The following HR variants were observed in gnomAD, a reference collection of about 807,000 sequenced individuals.
HR encodes the protein lysine-specific demethylase hairless.
HR carries 83 observed loss-of-function variants against 128.6 expected under a neutral mutation model. That is an observed-to-expected ratio of 0.65 (90% CI 0.54 to 0.77). The LOEUF (loss-of-function observed/expected upper bound fraction) is 0.77. HR is among the 30% of genes least tolerant of loss of function. The probability of loss-of-function intolerance (pLI) is 0.00; values close to 1 mark genes in which losing one functional copy is unlikely to be tolerated. For missense variants in HR, 1,490 were observed against 1,574.6 expected (o/e 0.95, Z 0.91); for synonymous variants, 681 against 658.2 (o/e 1.03, Z -0.53).
In HR at chr8:22,116,956, C is replaced by G. The variant is rs954823889; in HGVS notation, c.3297G>C (p.Arg1099=). 6.5e-7 allele frequency: 1 copy of G among 1,539,378 alleles called. No homozygotes were observed. The highest frequency in any genetic ancestry group is 1.9e-5 in the Admixed American group (1 of 51,320). Reference sequence around the variant, plus strand: ...TCCAGCAGCTCACGCCCCACTCCTCCCGCAGGCGCCGCCGCAGCCCTGCAT... The same window carrying G: ...TCCAGCAGCTCACGCCCCACTCCTCGCGCAGGCGCCGCCGCAGCCCTGCAT... ...YLDAGLRRRL[R]EEWGVSCWTL... The change falls in exon 17 of 19, where the codon CGG becomes CGC. Residue 1099 remains arginine, a synonymous_variant. Transcript: ENST00000381418. This position sits in a 1 kb window ranked among gnomAD's most constrained non-coding sequence, Gnocchi z 4.2.
At chr8:22,121,719 C>A (rs369032479) in intron 8 of HR, 25 bp from the exon 9 acceptor site, 82 of 1,604,870 alleles carry the variant, frequency 5.1e-5, no homozygotes, top group Middle Eastern at 1.7e-4. Flanking sequence ...CACCACCCCC[C>A]CAATCCAACC....
At position 22,120,342 on chromosome 8, in the gene HR, G is replaced by C. The variant is rs375878986; in HGVS notation, c.2776C>G (p.Leu926Val). The C allele has an allele frequency of 1.2e-6, 2 of 1,613,740 alleles. No homozygotes were observed. The highest frequency in any genetic ancestry group is 1.7e-5 in the Admixed American group (1 of 60,026). ...TFWEGFSWPE[L>V]RPKSDEGSVL... Reference sequence around the variant, plus strand: ...TCTCCCCTGTGTTGGGGACACTTACGCTCAGGCCAGGAGAAGCCCTCCCAG... The same window carrying C: ...TCTCCCCTGTGTTGGGGACACTTACCCTCAGGCCAGGAGAAGCCCTCCCAG... Residue 926 changes from leucine to valine, a missense_variant and splice_region_variant, in exon 12 of 19, where the codon CTT (leucine) becomes GTT (valine). Around this residue, in one of 3 missense-constraint regions of HR, gnomAD observed 423 missense variants for 495.9 expected, o/e 0.85. Coordinates refer to ENST00000381418, the MANE Select transcript of HR (RefSeq NM_005144.5).
intron 14 of HR, 33 bp downstream of exon 14, chr8:22,119,727 G>A (rs1826685424): frequency 6.3e-7 from 1 of 1,587,096 alleles, no homozygotes; most frequent in South Asian, 1.2e-5. Flanking sequence ...AGGCATGGGA[G>A]TAGAGACTGG....
chr8:22,120,223 T>C, intron 12 of HR, 50 bp from the exon 13 acceptor site: 1 of 1,597,108 alleles, frequency 6.3e-7, no homozygotes, highest in Non-Finnish European at 8.5e-7. Flanking sequence ...CTGAAGCCCC[T>C]GCCCCGGCGG....
rs189114149 is a variant in HR at position 22,116,646 on chromosome 8, G to A, written c.3379-218C>T. ...CCTAAAGTCTCCCTGCGAGCCCCCT[G>A]ACATCAGCATGCCCAGGAGACCAGG... On this transcript the variant is annotated intron_variant, in intron 17 of 18. Transcript: ENST00000381418. The surrounding 1 kb of genome is among the most constrained non-coding windows in gnomAD (Gnocchi z 4.2). 6.6e-6 allele frequency among the ~76,000 whole-genome samples: 1 copy of A among 152,272 alleles called. No individual in the cohort carries two copies. The highest frequency in any genetic ancestry group is 2.4e-5 in the African/African-American group (1 of 41,534).
Position 22,127,757 on chromosome 8 carries a change from AC to A in HR, c.684del (p.Leu228PhefsTer4). The A allele has an allele frequency of 1.2e-6, 2 of 1,602,244 alleles. No individual in the cohort carries two copies. The highest frequency in any genetic ancestry group is 1.7e-6 in the Non-Finnish European group (2 of 1,179,970). Reference sequence around the variant, plus strand: ...AGGTGCCCACCAGAGTTTAAGCCAAACAACCCAGGTTCCGCAGCTGCCAAGG... The same window carrying A: ...AGGTGCCCACCAGAGTTTAAGCCAAAAACCCAGGTTCCGCAGCTGCCAAGG... ...KEPLAAAEPG[L>X]FGLNSGGHLQ... is the part of the protein sequence containing the mutation. On this transcript the variant is annotated frameshift_variant, in exon 3 of 19. Transcript: ENST00000381418. LOFTEE classifies it high-confidence loss of function.
chr8:22,127,235 T>G lies in HR; in HGVS notation c.1207A>C (p.Arg403=). Residue 403 remains arginine (R), a synonymous_variant, in exon 3 of 19, where the codon AGG becomes CGG. Transcript: ENST00000381418. Reference sequence around the variant, plus strand: ...AGGGCCCGGAGCCGAGCAACCGGCCTCTCCTCGACCTCAGGGCAGCCGCGT... The same window carrying G: ...AGGGCCCGGAGCCGAGCAACCGGCCGCTCCTCGACCTCAGGGCAGCCGCGT... ...CPRGCPEVEE[R]PVARLRALKR... is the part of the protein sequence containing the mutation. 6.2e-7 allele frequency: 1 copy of G among 1,613,058 alleles called. No individual in the cohort carries two copies. Among genetic ancestry groups the G allele is most frequent in the Non-Finnish European group, 8.5e-7 (1 of 1,180,014 alleles).
At chr8:22,126,974 C>T (rs937148016) in intron 3 of HR, 63 bp downstream of exon 3, 9 of 1,515,864 alleles carry the variant, frequency 5.9e-6, no homozygotes, top group African/African-American at 4.1e-5. Context: ...CCGCCCCATG[C>T]GAAGCCCCAG....
chr8:22,121,904 G>A (rs1826764696), intron 8 of HR, among the ~76,000 whole-genome samples: 1 of 152,082 alleles, frequency 6.6e-6, no homozygotes, highest in Non-Finnish European at 1.5e-5. Context: ...TACTAAAATA[G>A]ACAAATGGCT....
chr8:22,128,038 A>G, intron 2 of HR: 1 of 640,648 alleles, frequency 1.6e-6, no homozygotes. Flanking sequence ...AGACGTCCCC[A>G]CAAGGAAGTC....
intron 6 of HR, 102 bp from the exon 7 acceptor site, chr8:22,122,981 T>C (rs1826794394): frequency 9.0e-7 from 1 of 1,113,114 alleles, no homozygotes; most frequent in Non-Finnish European, 1.3e-6. Context: ...GGGGACTCAA[T>C]AGTCCACAAA....
Position 22,127,644 on chromosome 8 carries a change from G to C in HR, c.798C>G (p.Leu266=). 6.2e-7 allele frequency: 1 copy of C among 1,609,596 alleles called. No individual in the cohort carries two copies. The highest frequency in any genetic ancestry group is 8.5e-7 in the Non-Finnish European group (1 of 1,178,834). The stretch of plus-strand genomic sequence containing the variant: ...GCACAGTGTCTGGCTGCCCCAGGAA[G>C]AGCGGGCAAGGATTCTGCTGCCGGC... ...GAGRQQNPCP[L]FLGQPDTVPW... The change falls in exon 3 of 19, where the codon CTC becomes CTG. Residue 266 remains leucine, a synonymous_variant. Coordinates refer to ENST00000381418, the MANE Select transcript of HR (RefSeq NM_005144.5).
intron 6 of HR, 32 bp downstream of exon 6, chr8:22,123,617 T>TGGGGCCC: frequency 2.1e-5 from 6 of 292,090 alleles, no homozygotes; most frequent in Non-Finnish European, 3.7e-5. Flanking sequence ...GAGGGCTCCA[T>TGGGGCCC]CCCGCCCTCC....
At chr8:22,119,632 G>C (rs1423324746) in intron 14 of HR, 128 bp downstream of exon 14, 1 of 1,048,024 alleles carries the variant, frequency 9.5e-7, no homozygotes, top group Admixed American at 3.1e-5. Flanking sequence ...AAAAAAAAAA[G>C]AAAGAAAGAA....
chr8:22,121,312 C>A, intron 9 of HR, 84 bp from the exon 10 acceptor site: 4 of 1,533,746 alleles, frequency 2.6e-6, no homozygotes, highest in Non-Finnish European at 3.6e-6. Flanking sequence ...CTGCTCTTCC[C>A]TCTCTTCCTG....
At position 22,115,654 on chromosome 8, in the gene HR, C is replaced by A. The variant is rs745989333; in HGVS notation, c.*46G>T. Reference sequence around the variant, plus strand: ...GCTGAAGTTGTGCCTGGGCTGAGCACCTGGTCTACCTGTCCCCACCCCGAT... The same window carrying A: ...GCTGAAGTTGTGCCTGGGCTGAGCAACTGGTCTACCTGTCCCCACCCCGAT... On this transcript the variant is annotated 3_prime_UTR_variant, in exon 19 of 19. Transcript: ENST00000381418. The A allele has an allele frequency of 6.4e-7, 1 of 1,567,074 alleles. No homozygotes were observed. The highest frequency in any genetic ancestry group is 1.4e-5 in the African/African-American group (1 of 73,922).
chr8:22,121,323 G>T, intron 9 of HR, 95 bp from the exon 10 acceptor site: 1 of 1,494,266 alleles, frequency 6.7e-7, no homozygotes, highest in Non-Finnish European at 9.1e-7. Context: ...TCTCTTCCTG[G>T]CTGAGCCCAC....
At position 22,119,857 on chromosome 8, in the gene HR, C is replaced by T. The variant is rs200547121; in HGVS notation, c.2880G>A (p.Pro960=). ...VENLAASLPL[P]EYCALHGKLN... ...GTTTTCCATGGAGGGCGCAGTACTCCGGAAGTGGCAGACTGGCAGCTAGGT... is the reference window on the plus strand; with the variant it reads ...GTTTTCCATGGAGGGCGCAGTACTCTGGAAGTGGCAGACTGGCAGCTAGGT... The change falls in exon 14 of 19, where the codon CCG becomes CCA. Residue 960 remains proline, a synonymous_variant. Transcript: ENST00000381418. 82 of 1,613,756 alleles carry T rather than the reference C, an allele frequency of 5.1e-5. No individual in the cohort carries two copies. The highest frequency in any genetic ancestry group is 2.2e-4 in the Admixed American group (13 of 60,024).
intron 1 of HR, 122 bp from the exon 2 acceptor site, chr8:22,129,332 C>T: frequency 2.8e-6 from 2 of 720,070 alleles, no homozygotes; most frequent in African/African-American, 3.5e-5. Context: ...AGGCAAGTGC[C>T]AGCCCACAAC....
Sources: allele counts gnomAD v4.1 joint callset (sites outside exome capture counted in the v4.1 genomes callset), GRCh38; gene constraint gnomAD v4.1.1; regional missense constraint gnomAD v4.1.1; non-coding constraint Gnocchi (gnomAD v3.1); transcripts MANE v1.5; gene names NCBI Gene and HGNC (gene_info 2026-07-23, HGNC 2026-07-21).